PXDNL: variants seen among roughly 807,000 people sequenced by gnomAD.
The protein encoded by PXDNL is probable oxidoreductase PXDNL.
Under a neutral mutation model 150.8 loss-of-function variants are expected in PXDNL, and 145 were observed. That is an observed-to-expected ratio of 0.96 (90% CI 0.84 to 1.10). PXDNL has a LOEUF of 1.10. Ranked by LOEUF, PXDNL falls within the 50% of genes least tolerant of loss-of-function variation. PXDNL has a pLI of 0.00. For missense variants in PXDNL, 2,087 were observed against 1,873.9 expected (o/e 1.11, Z -2.10); for synonymous variants, 757 against 725.7 (o/e 1.04, Z -0.69).
At chr8:51,716,085 C>A (rs1252482457) in intron 1 of PXDNL, among the ~76,000 whole-genome samples, 1 of 152,192 alleles carries the variant, frequency 6.6e-6, no homozygotes, top group African/African-American at 2.4e-5. Context: ...CAGTCACACC[C>A]TCAGCTAACA....
chr8:51,577,572 T>C (rs1813083389), intron 3 of PXDNL, among the ~76,000 whole-genome samples: 1 of 143,044 alleles, frequency 7.0e-6, no homozygotes, highest in African/African-American at 2.7e-5. Context: ...TTTATATATA[T>C]ATATAAAATC....
chr8:51,389,752 G>A (rs1807833990), intron 17 of PXDNL, among the ~76,000 whole-genome samples: 3 of 151,990 alleles, frequency 2.0e-5, no homozygotes, highest in Admixed American at 2.0e-4. Context: ...TTTGTTCAAT[G>A]GTTCTATGTA....
intron 3 of PXDNL, among the ~76,000 whole-genome samples, chr8:51,572,153 T>G (rs1362309776): frequency 6.6e-6 from 1 of 151,892 alleles, no homozygotes; most frequent in Admixed American, 6.6e-5. Context: ...AGCACTTGCA[T>G]GTAAATTAAT....
chr8:51,482,529 T>C (rs946838270), intron 6 of PXDNL, among the ~76,000 whole-genome samples: 1 of 151,762 alleles, frequency 6.6e-6, no homozygotes, highest in African/African-American at 2.4e-5. Flanking sequence ...GGATATGAGA[T>C]TTGGGAGGGG....
chr8:51,484,474 T>C (rs1810682947), intron 5 of PXDNL, among the ~76,000 whole-genome samples: 2 of 149,582 alleles, frequency 1.3e-5, no homozygotes, highest in Non-Finnish European at 3.0e-5. Flanking sequence ...TGACAACAGA[T>C]GCCTACAGAT....
rs79663493 is a variant in PXDNL, at chr8:51,458,033, T to C, written c.813-366A>G. On this transcript the variant is annotated intron_variant, in intron 8 of 22. Coordinates refer to ENST00000356297, the MANE Select transcript of PXDNL (RefSeq NM_144651.5). ...CAGAAAAGAAATCACCAGATGGTAA[T>C]ATGTAATCCTTTTACCTCCTTCCAT... 6.5e-3 allele frequency among the ~76,000 whole-genome samples: 988 copies of C among 152,354 alleles called. 7 individuals carry two copies. Among genetic ancestry groups the C allele is most frequent in the Middle Eastern group, 0.031 (9 of 294 alleles).
intron 1 of PXDNL, among the ~76,000 whole-genome samples, chr8:51,677,229 C>A (rs1284671508): frequency 6.6e-6 from 1 of 152,182 alleles, no homozygotes; most frequent in African/African-American, 2.4e-5. Flanking sequence ...ACCCTGCATA[C>A]CTCTTGGTCA....
chr8:51,501,509 C>A (rs981442233), intron 4 of PXDNL, among the ~76,000 whole-genome samples: 2 of 151,964 alleles, frequency 1.3e-5, no homozygotes, highest in Non-Finnish European at 2.9e-5. Flanking sequence ...CTCGTGCACA[C>A]TCACACTTGT....
chr8:51,680,674 G>A (rs1815724986), intron 1 of PXDNL, among the ~76,000 whole-genome samples: 1 of 152,188 alleles, frequency 6.6e-6, no homozygotes, highest in Non-Finnish European at 1.5e-5. Context: ...CCACAGCAGT[G>A]ACCATGGGTG....
At chr8:51,660,377 G>A (rs969509924) in intron 1 of PXDNL, among the ~76,000 whole-genome samples, 2 of 152,196 alleles carry the variant, frequency 1.3e-5, no homozygotes, top group African/African-American at 4.8e-5. Context: ...AGCTCATCCA[G>A]TGAGGTGGGG....
intron 1 of PXDNL, among the ~76,000 whole-genome samples, chr8:51,801,364 T>C (rs1011867115): frequency 4.6e-5 from 7 of 152,228 alleles, no homozygotes; most frequent in Non-Finnish European, 7.3e-5. Context: ...CAGCTGAACA[T>C]AGACCTTCAT....
intron 4 of PXDNL, among the ~76,000 whole-genome samples, chr8:51,500,998 T>G (rs16916405): frequency 0.042 from 6,432 of 152,228 alleles, 300 homozygotes; most frequent in East Asian, 0.25. Flanking sequence ...AGACACCTAA[T>G]GAAAAAGTAT....
chr8:51,804,156 G>A (rs2037651199), intron 1 of PXDNL, among the ~76,000 whole-genome samples: 1 of 152,214 alleles, frequency 6.6e-6, no homozygotes, highest in Non-Finnish European at 1.5e-5. Flanking sequence ...GGTCTGGAAG[G>A]TGGGACAACT....
intron 2 of PXDNL, among the ~76,000 whole-genome samples, chr8:51,610,315 G>A (rs534357243): frequency 1.3e-5 from 2 of 152,050 alleles, no homozygotes; most frequent in South Asian, 4.2e-4. Flanking sequence ...CATAGTTCTG[G>A]AGCTATAAAG....
At chr8:51,379,424 C>CTAAT (rs550171306) in intron 17 of PXDNL, among the ~76,000 whole-genome samples, 6 of 152,134 alleles carry the variant, frequency 3.9e-5, no homozygotes, top group African/African-American at 1.4e-4. Flanking sequence ...CTGGATCTTC[C>CTAAT]TAATTAATTA....
chr8:51,458,942 T>TGAA (rs3042003), intron 8 of PXDNL, among the ~76,000 whole-genome samples: 31,184 of 152,044 alleles, frequency 0.21, 4,290 homozygotes, highest in African/African-American at 0.39. Flanking sequence ...AAACCCAATG[T>TGAA]GAAGAAGTAC....
chr8:51,723,453 A>AGATATC (rs1304962406), intron 1 of PXDNL, among the ~76,000 whole-genome samples: 3 of 152,362 alleles, frequency 2.0e-5, no homozygotes, highest in African/African-American at 7.2e-5. Flanking sequence ...CTAGACAGGC[A>AGATATC]GTCCTGCACG....
intron 1 of PXDNL, among the ~76,000 whole-genome samples, chr8:51,720,894 A>G (rs533716669): frequency 1.6e-4 from 24 of 152,374 alleles, no homozygotes; most frequent in African/African-American, 5.8e-4. Flanking sequence ...ACTTCCAGGC[A>G]CAACAGAGGG....
chr8:51,393,728 G>T (rs931696154), intron 17 of PXDNL, among the ~76,000 whole-genome samples: 2 of 152,198 alleles, frequency 1.3e-5, no homozygotes, highest in Non-Finnish European at 2.9e-5. Context: ...AATCACAAGA[G>T]TTCTTAAAAG....
Sources: allele counts gnomAD v4.1 joint callset (sites outside exome capture counted in the v4.1 genomes callset), GRCh38; gene constraint gnomAD v4.1.1; transcripts MANE v1.5; gene names NCBI Gene and HGNC (gene_info 2026-07-23, HGNC 2026-07-21).